Variants in CPA6 observed in about 807,000 individuals in gnomAD.
The protein encoded by CPA6 is carboxypeptidase B.
Under a neutral mutation model 63.3 loss-of-function variants are expected in CPA6, and 58 were observed. That is an observed-to-expected ratio of 0.92 (90% CI 0.74 to 1.14). The LOEUF (loss-of-function observed/expected upper bound fraction) is 1.14. Among genes scored for constraint, CPA6 ranks in the 50% most tolerant of loss-of-function variants. The pLI is 0.00. For synonymous variants in CPA6, 185 were observed against 179.0 expected, an observed-to-expected ratio of 1.03 and a Z score of -0.27; for missense variants, 565 against 526.6, an observed-to-expected ratio of 1.07 and a Z score of -0.71.
intron 8 of CPA6, among the ~76,000 whole-genome samples, chr8:67,463,303 GT>G (rs2128957478): frequency 6.6e-6 from 1 of 152,102 alleles, no homozygotes; most frequent in East Asian, 1.9e-4. Context: ...CATTAGCCAG[GT>G]GTGGTGGTGC....
intron 8 of CPA6, among the ~76,000 whole-genome samples, chr8:67,465,708 A>G (rs1263098882): frequency 6.6e-6 from 1 of 152,124 alleles, no homozygotes. Context: ...TCCCATGTCT[A>G]TTGAGATACA....
intron 4 of CPA6, among the ~76,000 whole-genome samples, chr8:67,510,283 C>T (rs191686290): frequency 1.3e-3 from 200 of 152,182 alleles, no homozygotes; most frequent in Non-Finnish European, 2.2e-3. Flanking sequence ...AAAAACAACA[C>T]AAAAGTGTCC....
At chr8:67,584,445 A>T (rs111833706) in intron 2 of CPA6, among the ~76,000 whole-genome samples, 135 of 151,974 alleles carry the variant, frequency 8.9e-4, no homozygotes, top group African/African-American at 3.1e-3. Flanking sequence ...GAATGCTAGG[A>T]GTGGCTGATT....
intron 10 of CPA6, among the ~76,000 whole-genome samples, chr8:67,426,072 G>A (rs1041749713): frequency 2.1e-4 from 32 of 152,024 alleles, no homozygotes; most frequent in Non-Finnish European, 3.5e-4. Flanking sequence ...TGATTCAAGC[G>A]ATTCTCCTGC....
At chr8:67,432,232 C>G (rs1422563377) in intron 9 of CPA6, among the ~76,000 whole-genome samples, 2 of 152,052 alleles carry the variant, frequency 1.3e-5, no homozygotes, top group African/African-American at 4.8e-5. Flanking sequence ...GAGAGAGAGG[C>G]CAGAGATTGA....
chr8:67,621,101 G>A (rs1815070671), intron 2 of CPA6, among the ~76,000 whole-genome samples: 1 of 152,120 alleles, frequency 6.6e-6, no homozygotes, highest in South Asian at 2.1e-4. Flanking sequence ...AATTTCCCTG[G>A]TAGACAACAC....
At chr8:67,607,667 G>A (rs1238612987) in intron 2 of CPA6, among the ~76,000 whole-genome samples, 1 of 152,124 alleles carries the variant, frequency 6.6e-6, no homozygotes, top group African/African-American at 2.4e-5. Flanking sequence ...TAGAGCTATA[G>A]GGTCAATAGA....
At chr8:67,442,667 A>C (rs1368199373) in intron 8 of CPA6, among the ~76,000 whole-genome samples, 1 of 152,194 alleles carries the variant, frequency 6.6e-6, no homozygotes, top group Non-Finnish European at 1.5e-5. Context: ...CATCTTATTT[A>C]TGACGCAAAG....
chr8:67,615,046 C>G (rs779617604), intron 2 of CPA6, among the ~76,000 whole-genome samples: 5 of 152,272 alleles, frequency 3.3e-5, no homozygotes, highest in Non-Finnish European at 7.3e-5. Context: ...GTTATCGATA[C>G]TCGTTTATAA....
At chr8:67,745,047 T>C (rs1337641696) in intron 1 of CPA6, among the ~76,000 whole-genome samples, 1 of 152,218 alleles carries the variant, frequency 6.6e-6, no homozygotes. Flanking sequence ...TTTACACTAT[T>C]TCTAAAAAGA....
rs1214021518 is a variant in CPA6 at position 67,709,306 on chromosome 8, T to C, written c.116+36708A>G. 2.0e-5 allele frequency among the ~76,000 whole-genome samples: 3 copies of C among 152,172 alleles called. No homozygotes were observed. The East Asian group carries it at 5.8e-4, about 29-fold the overall frequency. On this transcript the variant is annotated intron_variant, in intron 1 of 10. Coordinates refer to ENST00000297770, the MANE Select transcript of CPA6 (RefSeq NM_020361.5). ...CCAAGTCAAGGGCTGAACAGCACAC[T>C]TGGATCTCTCAAATGTACTTTACCT...
intron 8 of CPA6, among the ~76,000 whole-genome samples, chr8:67,436,412 G>GA (rs1252246919): frequency 1.5e-3 from 220 of 147,966 alleles, no homozygotes; most frequent in African/African-American, 5.3e-3. Flanking sequence ...ATAAAGAAAA[G>GA]AAGATGTGTA....
chr8:67,540,028 G>A (rs1193879763), intron 2 of CPA6, among the ~76,000 whole-genome samples: 1 of 152,080 alleles, frequency 6.6e-6, no homozygotes, highest in East Asian at 1.9e-4. Context: ...TCTCCATCCA[G>A]TTTTGTTCCC....
intron 2 of CPA6, among the ~76,000 whole-genome samples, chr8:67,548,259 T>C (rs1020560298): frequency 5.1e-4 from 75 of 148,168 alleles, no homozygotes; most frequent in Admixed American, 8.1e-4. Flanking sequence ...CTTTTCTTTT[T>C]TTTTTTTCTT....
chr8:67,650,168 T>C (rs1017688428), intron 1 of CPA6, among the ~76,000 whole-genome samples: 4 of 152,178 alleles, frequency 2.6e-5, no homozygotes, highest in African/African-American at 9.7e-5. Context: ...GACTGCTGGC[T>C]GTATAAATGT....
chr8:67,610,958 C>T (rs1814790410), intron 2 of CPA6, among the ~76,000 whole-genome samples: 1 of 151,906 alleles, frequency 6.6e-6, no homozygotes, highest in Non-Finnish European at 1.5e-5. Context: ...CATGTATTTG[C>T]CATTTAGCAG....
intron 8 of CPA6, among the ~76,000 whole-genome samples, chr8:67,478,849 C>G (rs112545944): frequency 0.067 from 10,202 of 151,966 alleles, 794 homozygotes; most frequent in African/African-American, 0.19. Context: ...CCAGCCTGGC[C>G]AACATCTCTA....
At chr8:67,577,128 T>C (rs929716582) in intron 2 of CPA6, among the ~76,000 whole-genome samples, 2 of 152,136 alleles carry the variant, frequency 1.3e-5, no homozygotes, top group African/African-American at 4.8e-5. Flanking sequence ...GTGCTAGGAT[T>C]ATAGGCCTGA....
At chr8:67,615,970 G>A (rs1814937871) in intron 2 of CPA6, among the ~76,000 whole-genome samples, 1 of 152,188 alleles carries the variant, frequency 6.6e-6, no homozygotes, top group Admixed American at 6.5e-5. Context: ...CGTGTGATGG[G>A]CACTAAGCCA....
Sources: allele counts gnomAD v4.1 joint callset (sites outside exome capture counted in the v4.1 genomes callset), GRCh38; gene constraint gnomAD v4.1.1; transcripts MANE v1.5; gene names NCBI Gene and HGNC (gene_info 2026-07-23, HGNC 2026-07-21).